TAFA5: variants seen among roughly 807,000 people sequenced by gnomAD.
The protein encoded by TAFA5 is TAFA chemokine like family member 5, also known as chemokine-like protein TAFA-5.
Under a neutral mutation model 15.3 loss-of-function variants are expected in TAFA5, and 6 were observed. The observed-to-expected ratio is 0.39, with a 90% CI of 0.21 to 0.77. TAFA5 has a LOEUF of 0.77. Among genes scored for constraint, TAFA5 ranks in the 30% least tolerant of loss-of-function variants. The pLI, the probability that TAFA5 is intolerant of heterozygous loss-of-function variation, is 0.41. For missense variants in TAFA5, 161 were observed against 193.1 expected, an observed-to-expected ratio of 0.83 and a Z score of 0.98; for synonymous variants, 103 against 80.7, an observed-to-expected ratio of 1.28 and a Z score of -1.48.
intron 1 of TAFA5, among the ~76,000 whole-genome samples, chr22:48,615,565 T>A (rs1331744855): frequency 6.6e-6 from 1 of 152,250 alleles, no homozygotes; most frequent in Non-Finnish European, 1.5e-5. Flanking sequence ...TGGTCATAAA[T>A]AAATCCCTTT....
intron 1 of TAFA5, among the ~76,000 whole-genome samples, chr22:48,503,433 A>T (rs2147097238): frequency 6.6e-6 from 1 of 152,308 alleles, no homozygotes; most frequent in South Asian, 2.1e-4. Flanking sequence ...GGACTCGTGA[A>T]CTTGGGAAGG....
chr22:48,741,806 A>G (rs1025132903), intron 3 of TAFA5, among the ~76,000 whole-genome samples: 3 of 152,192 alleles, frequency 2.0e-5, no homozygotes, highest in Admixed American at 6.5e-5. Context: ...TGTTCAAGCC[A>G]TCCAGTCTGG....
chr22:48,693,906 CG>C (rs1450946098), intron 2 of TAFA5, among the ~76,000 whole-genome samples: 1 of 152,190 alleles, frequency 6.6e-6, no homozygotes, highest in African/African-American at 2.4e-5. Flanking sequence ...GTGTTTCCGC[CG>C]GGTGGGGAAA....
At chr22:48,611,361 A>G (rs1233184368) in intron 1 of TAFA5, among the ~76,000 whole-genome samples, 1 of 152,022 alleles carries the variant, frequency 6.6e-6, no homozygotes, top group East Asian at 1.9e-4. Context: ...CACCCAGATT[A>G]TTCATTTTGT....
chr22:48,507,403 CT>C (rs778674616), intron 1 of TAFA5, among the ~76,000 whole-genome samples: 42 of 152,214 alleles, frequency 2.8e-4, no homozygotes, highest in Non-Finnish European at 4.9e-4. Context: ...AGAGAGGCTC[CT>C]GTGAACCCCC....
intron 1 of TAFA5, among the ~76,000 whole-genome samples, chr22:48,637,269 G>A (rs1159738196): frequency 2.6e-5 from 4 of 152,164 alleles, no homozygotes; most frequent in Admixed American, 6.5e-5. Flanking sequence ...TGAGTGTGGC[G>A]TAGGGGTGCA....
At chr22:48,585,666 C>G (rs551361953) in intron 1 of TAFA5, among the ~76,000 whole-genome samples, 20 of 136,424 alleles carry the variant, frequency 1.5e-4, no homozygotes, top group African/African-American at 4.7e-4. Flanking sequence ...TGCACACACA[C>G]CACACACACC....
At chr22:48,714,894 C>T (rs1339643338) in intron 3 of TAFA5, among the ~76,000 whole-genome samples, 4 of 152,218 alleles carry the variant, frequency 2.6e-5, no homozygotes, top group African/African-American at 7.2e-5. Context: ...CTTCTGGTGA[C>T]CCCAGGTGTT....
chr22:48,670,373 A>G (rs141341482), intron 2 of TAFA5, among the ~76,000 whole-genome samples: 2 of 152,246 alleles, frequency 1.3e-5, no homozygotes, highest in African/African-American at 2.4e-5. Flanking sequence ...TTGCTGGACC[A>G]AGGCGCGGAG....
At chr22:48,699,945 C>T (rs936987039) in intron 2 of TAFA5, among the ~76,000 whole-genome samples, 12 of 152,164 alleles carry the variant, frequency 7.9e-5, no homozygotes, top group Non-Finnish European at 1.8e-4. Flanking sequence ...GAGCTCCTGC[C>T]TCTTCTTCCT....
intron 1 of TAFA5, among the ~76,000 whole-genome samples, chr22:48,592,040 T>C (rs67059689): frequency 0.075 from 11,351 of 152,140 alleles, 740 homozygotes; most frequent in East Asian, 0.23. Context: ...GGTCTCTGCC[T>C]GGACGGCAGG....
intron 1 of TAFA5, among the ~76,000 whole-genome samples, chr22:48,526,206 C>G (rs950112579): frequency 7.9e-5 from 12 of 152,212 alleles, no homozygotes; most frequent in Admixed American, 1.3e-4. Flanking sequence ...GCCTCATTCT[C>G]TCTTTGTCTA....
chr22:48,723,354 C>T (rs1337999735), intron 3 of TAFA5, among the ~76,000 whole-genome samples: 4 of 152,142 alleles, frequency 2.6e-5, no homozygotes, highest in East Asian at 3.9e-4. Context: ...GTCAGCTCCC[C>T]GTTAAACCCA....
intron 1 of TAFA5, among the ~76,000 whole-genome samples, chr22:48,625,701 A>C (rs1437357777): frequency 6.6e-6 from 1 of 152,146 alleles, no homozygotes; most frequent in Non-Finnish European, 1.5e-5. Flanking sequence ...CAACCTAGTA[A>C]ATGATATTTT....
chr22:48,586,238 T>C (rs1412258824), intron 1 of TAFA5, among the ~76,000 whole-genome samples: 1 of 152,260 alleles, frequency 6.6e-6, no homozygotes, highest in Non-Finnish European at 1.5e-5. Flanking sequence ...CTCTTCTCTC[T>C]ATGACCCCAG....
intron 3 of TAFA5, among the ~76,000 whole-genome samples, chr22:48,726,039 T>C (rs1003152086): frequency 5.3e-5 from 8 of 151,962 alleles, no homozygotes; most frequent in African/African-American, 1.9e-4. Context: ...ATTAAGAAAA[T>C]AGAAAGACAA....
chr22:48,649,040 G>A (rs2054214006), intron 2 of TAFA5, among the ~76,000 whole-genome samples: 2 of 152,196 alleles, frequency 1.3e-5, no homozygotes, highest in South Asian at 4.1e-4. Flanking sequence ...AACAGGCCAG[G>A]CAGTGAGTCT....
rs1032112837 is a variant in TAFA5 at position 48,742,581 on chromosome 22, G to A, written c.391-7258G>A. Among the ~76,000 whole-genome samples the A allele has an allele frequency of 1.3e-5, 2 of 151,568 alleles. No individual in the cohort carries two copies. Among genetic ancestry groups the A allele is most frequent in the African/African-American group, 4.9e-5 (2 of 41,204 alleles). ...CAGGCAACGTGGTAGACTGGGCAGC[G>A]TGATGGACCAGGCGACATGGTGGAC... On this transcript the variant is annotated intron_variant, in intron 3 of 3. Coordinates refer to ENST00000402357, the MANE Select transcript of TAFA5 (RefSeq NM_001082967.3). The surrounding 1 kb of genome is among the most constrained non-coding windows in gnomAD (Gnocchi z 6.2).
At chr22:48,516,856 G>A (rs1418979723) in intron 1 of TAFA5, among the ~76,000 whole-genome samples, 1 of 152,250 alleles carries the variant, frequency 6.6e-6, no homozygotes, top group Non-Finnish European at 1.5e-5. Flanking sequence ...GCTTGATGGG[G>A]AGGGGCTGTG....
Sources: allele counts gnomAD v4.1 joint callset (sites outside exome capture counted in the v4.1 genomes callset), GRCh38; gene constraint gnomAD v4.1.1; non-coding constraint Gnocchi (gnomAD v3.1); transcripts MANE v1.5; gene names NCBI Gene and HGNC (gene_info 2026-07-23, HGNC 2026-07-21).